Variants in SLC16A11 observed in about 807,000 individuals in gnomAD.
SLC16A11 encodes solute carrier family 16 member 11, also known as monocarboxylate transporter 11.
Under a neutral mutation model 26.0 loss-of-function variants are expected in SLC16A11, and 24 were observed. The ratio of observed to expected loss-of-function variants is 0.92; its 90% confidence interval spans 0.67 to 1.30. SLC16A11 has a LOEUF of 1.30. Ranked by LOEUF, SLC16A11 falls within the 50% of genes most tolerant of loss-of-function variation. The pLI, the probability that SLC16A11 is intolerant of heterozygous loss-of-function variation, is 0.00. For missense variants in SLC16A11, 638 were observed against 597.7 expected, an observed-to-expected ratio of 1.07 and a Z score of -0.70; for synonymous variants, 332 against 296.0, an observed-to-expected ratio of 1.12 and a Z score of -1.25.
At chr17:7,041,944 A>G (rs1040774110) in intron 4 of SLC16A11, 36 bp from the exon 5 acceptor site, 3 of 1,608,754 alleles carry the variant, frequency 1.9e-6, no homozygotes, top group African/African-American at 1.3e-5. Flanking sequence ...GAAGCCTCGA[A>G]CCCCAGGGGC....
chr17:7,042,335 C>T lies in SLC16A11; in HGVS notation c.775G>A (p.Val259Met). 1 of 1,552,610 alleles carries T rather than the reference C, an allele frequency of 6.4e-7. No homozygotes were observed. Among genetic ancestry groups the T allele is most frequent in the Middle Eastern group, 1.7e-4 (1 of 5,954 alleles). Residue 259 changes from valine (V) to methionine (M), a missense_variant, in exon 4 of 5, where the codon GTG becomes ATG. By Grantham distance (21) the Val-to-Met change is conservative. Transcript: ENST00000574600. This position sits in a 1 kb window ranked among gnomAD's most constrained non-coding sequence, Gnocchi z 5.9. ...GCATCCCCCATCGCAGCCACGGCCA[C>T]CACCAGCGCTGCTCCGTATCCCCCC... ...GLGGYGAALVVAVAAMGDAGA... is the reference protein window; with the variant it reads ...GLGGYGAALVMAVAAMGDAGA...
At position 7,042,903 on chromosome 17, in the gene SLC16A11, A is replaced by G; in HGVS notation, c.346+27T>C. The G allele has an allele frequency of 6.2e-7, 1 of 1,612,668 alleles. No homozygotes were observed. The highest frequency in any genetic ancestry group is 1.1e-5 in the South Asian group (1 of 90,914). On this transcript the variant is annotated intron_variant, in intron 3 of 4. Transcript: ENST00000574600. This position sits in a 1 kb window ranked among gnomAD's most constrained non-coding sequence, Gnocchi z 5.9. ...GCTCCTGTCACCTCCTTCACCCTGA[A>G]TGACCCGGGCATCCCACTTCCCTCA...
In SLC16A11 at chr17:7,041,821, CCT is replaced by C; in HGVS notation, c.1200_1201del (p.Ile400MetfsTer59). ...ACAGGAGGGCAGCGCCCTGGGCAACCCTATGTAGATGAAGCTGCCGGAGAGGA... is the reference window on the plus strand; with the variant it reads ...ACAGGAGGGCAGCGCCCTGGGCAACCATGTAGATGAAGCTGCCGGAGAGGA... On this transcript the variant is annotated frameshift_variant, in exon 5 of 5. Coordinates refer to ENST00000574600, the MANE Select transcript of SLC16A11 (RefSeq NM_001370549.1). LOFTEE classifies it low-confidence loss of function (END_TRUNC). The C allele has an allele frequency of 6.2e-7, 1 of 1,613,850 alleles. No individual in the cohort carries two copies. Among genetic ancestry groups the C allele is most frequent in the Non-Finnish European group, 8.5e-7 (1 of 1,179,958 alleles).
intron 2 of SLC16A11, 26 bp from the exon 3 acceptor site, chr17:7,043,099 G>T (rs1910841769): frequency 6.6e-7 from 1 of 1,503,910 alleles, no homozygotes; most frequent in Non-Finnish European, 8.9e-7. Context: ...GTCAACGGAA[G>T]ACACGCCCCC....
intron 2 of SLC16A11, 114 bp downstream of exon 2, chr17:7,043,196 CTT>C: frequency 1.4e-6 from 2 of 1,474,996 alleles, no homozygotes; most frequent in East Asian, 4.8e-5. Flanking sequence ...AAGATGCACT[CTT>C]TTCTAGAGCC....
Position 7,042,624 on chromosome 17 carries a change from A to G in SLC16A11, c.486T>C (p.Leu162=). The change falls in exon 4 of 5, where the codon CTT becomes CTC. Residue 162 remains leucine (L), a synonymous_variant. Transcript: ENST00000574600. The surrounding 1 kb of genome is among the most constrained non-coding windows in gnomAD (Gnocchi z 5.9). The stretch of plus-strand genomic sequence containing the variant: ...CCCGCCAGCCGAAAGTATCGAGAAG[A>G]AGCTGCAAGGCGGGCGCCAGGAGCA... ...SSLLLAPALQ[L]LLDTFGWRGA... is the part of the protein sequence containing the mutation. 3.2e-6 allele frequency: 5 copies of G among 1,580,474 alleles called. No homozygotes were observed. Among genetic ancestry groups the G allele is most frequent in the Non-Finnish European group, 4.3e-6 (5 of 1,166,732 alleles).
intron 4 of SLC16A11, 29 bp from the exon 5 acceptor site, chr17:7,041,937 G>A (rs1910756324): frequency 6.2e-7 from 1 of 1,610,124 alleles, no homozygotes; most frequent in Non-Finnish European, 8.5e-7. Flanking sequence ...GCATTTAGAA[G>A]CCTCGAACCC....
In SLC16A11 at chr17:7,042,781, G is replaced by A; in HGVS notation, c.347-18C>T. 1.9e-6 allele frequency: 3 copies of A among 1,541,630 alleles called. No homozygotes were observed. The highest frequency in any genetic ancestry group is 1.2e-5 in the South Asian group (1 of 84,214). ...ACCAAAGCCTGCGAATGAATAGGAG[G>A]GGATGGGGGCCGGCACTGGGGACGC... On this transcript the variant is annotated intron_variant, in intron 3 of 4. Transcript: ENST00000574600. The surrounding 1 kb of genome is among the most constrained non-coding windows in gnomAD (Gnocchi z 5.9).
At position 7,043,029 on chromosome 17, in the gene SLC16A11, C is replaced by A. The variant is rs373049645; in HGVS notation, c.247G>T (p.Val83Leu). ...ALSTRWGARP[V>L]VMVGGVLASL... ...GCGAGGACGCCCCCAACCATCACCA[C>A]GGGGCGGGCCCCCCAGCGCGTGCTC... The change falls in exon 3 of 5, where the codon GTG (valine) becomes TTG (leucine). Residue 83 changes from valine (V) to leucine (L), a missense_variant. By Grantham distance (32) the Val-to-Leu change is conservative. Transcript: ENST00000574600. 1.9e-5 allele frequency: 30 copies of A among 1,581,640 alleles called. No homozygotes were observed. Among genetic ancestry groups the A allele is most frequent in the East Asian group, 6.9e-5 (3 of 43,210 alleles).
Position 7,042,448 on chromosome 17 carries a change from G to A in SLC16A11, c.662C>T (p.Ser221Leu), listed in dbSNP as rs1289815654. ...GLSLFTRRAFSIFALGTALVG... is the reference protein window; with the variant it reads ...GLSLFTRRAFLIFALGTALVG... The stretch of plus-strand genomic sequence containing the variant: ...CAGGGCTGTGCCTAGAGCAAAGATT[G>A]AGAAGGCCCGGCGTGTGAACAGACT... The change falls in exon 4 of 5, where the codon TCA becomes TTA. Residue 221 changes from serine (S) to leucine (L), a missense_variant. By Grantham distance (145) the Ser-to-Leu change is moderately radical (BLOSUM62 -2). Coordinates refer to ENST00000574600, the MANE Select transcript of SLC16A11 (RefSeq NM_001370549.1). This position sits in a 1 kb window ranked among gnomAD's most constrained non-coding sequence, Gnocchi z 5.9. The A allele has an allele frequency of 2.7e-5, 42 of 1,556,534 alleles. No homozygotes were observed. The highest frequency in any genetic ancestry group is 1.7e-4 in the Middle Eastern group (1 of 6,016).
Position 7,042,217 on chromosome 17 carries a change from C to T in SLC16A11, c.893G>A (p.Gly298Glu). ...LAVFGALTGLGLWVVGLVPVV... is the reference protein window; with the variant it reads ...LAVFGALTGLELWVVGLVPVV... ...GGGCACCAGCCCCACCACCCACAGC[C>T]CCAGCCCAGTCAGAGCCCCGAATAC... The change falls in exon 4 of 5, where the codon GGG (glycine) becomes GAG (glutamate). Residue 298 changes from glycine to glutamate, a missense_variant. Coordinates refer to ENST00000574600, the MANE Select transcript of SLC16A11 (RefSeq NM_001370549.1). This position sits in a 1 kb window ranked among gnomAD's most constrained non-coding sequence, Gnocchi z 5.9. The T allele has an allele frequency of 6.3e-7, 1 of 1,577,338 alleles. No homozygotes were observed. Among genetic ancestry groups the T allele is most frequent in the Non-Finnish European group, 8.6e-7 (1 of 1,163,056 alleles).
chr17:7,042,765 T>C lies in SLC16A11; in HGVS notation c.347-2A>G. ...CGAACACCAGGGCCCAACCAAAGCCTGCGAATGAATAGGAGGGGATGGGGG... is the reference window on the plus strand; with the variant it reads ...CGAACACCAGGGCCCAACCAAAGCCCGCGAATGAATAGGAGGGGATGGGGG... On this transcript the variant is annotated splice_acceptor_variant, in intron 3 of 4. Coordinates refer to ENST00000574600, the MANE Select transcript of SLC16A11 (RefSeq NM_001370549.1). LOFTEE classifies it high-confidence loss of function. This position sits in a 1 kb window ranked among gnomAD's most constrained non-coding sequence, Gnocchi z 5.9. 1 of 1,537,436 alleles carries C rather than the reference T, an allele frequency of 6.5e-7. No homozygotes were observed. Among genetic ancestry groups the C allele is most frequent in the Non-Finnish European group, 8.7e-7 (1 of 1,143,906 alleles).
chr17:7,041,783 G>A lies in SLC16A11; in HGVS notation c.1240C>T (p.Pro414Ser). 1 of 1,613,732 alleles carries A rather than the reference G, an allele frequency of 6.2e-7. No homozygotes were observed. Among genetic ancestry groups the A allele is most frequent in the South Asian group, 1.1e-5 (1 of 91,078 alleles). The change falls in exon 5 of 5, where the codon CCT becomes TCT. Residue 414 changes from proline (P) to serine (S), a missense_variant. By Grantham distance (74) the Pro-to-Ser change is moderately conservative. Coordinates refer to ENST00000574600, the MANE Select transcript of SLC16A11 (RefSeq NM_001370549.1). ...RALPSCGPAS[P>S]PATPPPETGE... ...GTCTCTGGGGGAGGCGTGGCTGGAG[G>A]GGAGGCTGGACCACAGGAGGGCAGC... is the stretch of plus-strand genomic sequence containing the variant.
intron 1 of SLC16A11, 89 bp downstream of exon 1, chr17:7,043,686 C>A (rs1159553843): frequency 7.2e-7 from 1 of 1,390,612 alleles, no homozygotes; most frequent in Non-Finnish European, 9.4e-7. Flanking sequence ...AGGGCTGGAA[C>A]TCCCGGGTCC....
Position 7,043,301 on chromosome 17 carries a change from GC to G in SLC16A11, c.202+10del. 6.3e-7 allele frequency: 1 copy of G among 1,599,536 alleles called. No individual in the cohort carries two copies. The stretch of plus-strand genomic sequence containing the variant: ...CCCCGTTCCTGTCTCCCGCCTCAGG[GC>G]CCCCCTCACTGGCTGCCTGCTGCAC... On this transcript the variant is annotated intron_variant, in intron 2 of 4. Transcript: ENST00000574600.
At position 7,042,248 on chromosome 17, in the gene SLC16A11, G is replaced by A. The variant is rs781719744; in HGVS notation, c.862C>T (p.Leu288=). The change falls in exon 4 of 5, where the codon CTG becomes TTG. Residue 288 remains leucine, a synonymous_variant. Transcript: ENST00000574600. The surrounding 1 kb of genome is among the most constrained non-coding windows in gnomAD (Gnocchi z 5.9). ...DQGWVPLPRL[L]AVFGALTGLG... is the part of the protein sequence containing the mutation. ...CCAGTCAGAGCCCCGAATACGGCCA[G>A]CAGCCGCGGGAGGGGCACCCAGCCT... 1.5e-5 allele frequency: 23 copies of A among 1,579,252 alleles called. No homozygotes were observed. The highest frequency in any genetic ancestry group is 1.8e-5 in the Non-Finnish European group (21 of 1,163,712).
In SLC16A11 at chr17:7,042,326, C is replaced by T. The variant is rs1302411725; in HGVS notation, c.784G>A (p.Ala262Thr). The T allele has an allele frequency of 6.5e-7, 1 of 1,547,016 alleles. No individual in the cohort carries two copies. Among genetic ancestry groups the T allele is most frequent in the African/African-American group, 1.4e-5 (1 of 73,276 alleles). ...CGGGCGCCCGCATCCCCCATCGCAG[C>T]CACGGCCACCACCAGCGCTGCTCCG... ...GYGAALVVAVAAMGDAGARLV... is the reference protein window; with the variant it reads ...GYGAALVVAVTAMGDAGARLV... Residue 262 changes from alanine (A) to threonine (T), a missense_variant, in exon 4 of 5, where the codon GCT becomes ACT. By Grantham distance (58) the Ala-to-Thr change is moderately conservative. Transcript: ENST00000574600. This position sits in a 1 kb window ranked among gnomAD's most constrained non-coding sequence, Gnocchi z 5.9.
chr17:7,043,436 C>A lies in SLC16A11; in HGVS notation c.78G>T (p.Gly26=). 6.2e-7 allele frequency: 1 copy of A among 1,600,744 alleles called. No homozygotes were observed. Among genetic ancestry groups the A allele is most frequent in the Non-Finnish European group, 8.5e-7 (1 of 1,177,396 alleles). ...GCGAGCGCAGCAGCCCGTAGGACAG[C>A]CCGTTTATCGCGAAGGCTGCGGCCG... is the stretch of plus-strand genomic sequence containing the variant. ...VVAAAAFAIN[G]LSYGLLRSLG... Residue 26 remains glycine (G), a synonymous_variant, in exon 2 of 5, where the codon GGG becomes GGT. Coordinates refer to ENST00000574600, the MANE Select transcript of SLC16A11 (RefSeq NM_001370549.1).
intron 4 of SLC16A11, 21 bp downstream of exon 4, chr17:7,041,975 T>G: frequency 6.3e-7 from 1 of 1,591,514 alleles, no homozygotes; most frequent in Non-Finnish European, 8.6e-7. Flanking sequence ...TGTAGGCAGA[T>G]CTGTGAGCTC....
Sources: allele counts gnomAD v4.1 joint callset, GRCh38; gene constraint gnomAD v4.1.1; non-coding constraint Gnocchi (gnomAD v3.1); transcripts MANE v1.5; gene names NCBI Gene and HGNC (gene_info 2026-07-23, HGNC 2026-07-21).